LAMB1: variants seen among roughly 807,000 people sequenced by gnomAD.
LAMB1 encodes the protein laminin subunit beta-1.
Under a neutral mutation model 222.3 loss-of-function variants are expected in LAMB1, and 121 were observed. The observed-to-expected ratio is 0.54, with a 90% CI of 0.47 to 0.63. The LOEUF (loss-of-function observed/expected upper bound fraction) is 0.63. Among genes scored for constraint, LAMB1 ranks in the 30% least tolerant of loss-of-function variants. The pLI, the probability that LAMB1 is intolerant of heterozygous loss-of-function variation, is 0.00. For synonymous variants in LAMB1, 794 were observed against 807.2 expected (o/e 0.98, Z 0.28); for missense variants, 2,172 against 2,240.8 (o/e 0.97, Z 0.62).
intron 28 of LAMB1, 62 bp downstream of exon 28, chr7:107,932,112 C>G (rs997993933): frequency 7.1e-7 from 1 of 1,407,188 alleles, no homozygotes; most frequent in Non-Finnish European, 1.0e-6. Flanking sequence ...CCTTTCAGAT[C>G]CTTTAGTCCA....
At chr7:107,951,033 C>G in intron 24 of LAMB1, 193 bp downstream of exon 24, 1 of 533,580 alleles carries the variant, frequency 1.9e-6, no homozygotes, top group Non-Finnish European at 3.4e-6. Context: ...TCTTGACTAC[C>G]TATACTTATG....
chr7:107,951,943 G>T, intron 23 of LAMB1, 66 bp downstream of exon 23: 1 of 1,390,654 alleles, frequency 7.2e-7, no homozygotes, highest in Non-Finnish European at 9.9e-7. Flanking sequence ...GCTCTAACTG[G>T]GGCAAAGTCA....
At chr7:107,947,225 A>G (rs1369339591) in intron 24 of LAMB1, among the ~76,000 whole-genome samples, 1 of 152,156 alleles carries the variant, frequency 6.6e-6, no homozygotes, top group African/African-American at 2.4e-5. Flanking sequence ...GGCTCAACTC[A>G]TTTGTCTTTT....
At chr7:107,953,850 C>T (rs372866134) in intron 21 of LAMB1, 96 bp from the exon 22 acceptor site, 4 of 1,045,166 alleles carry the variant, frequency 3.8e-6, no homozygotes, top group South Asian at 1.4e-5. Flanking sequence ...CTGATCGTGG[C>T]GGTGCTTCAT....
At chr7:107,971,742 G>A (rs1442096673) in intron 13 of LAMB1, among the ~76,000 whole-genome samples, 4 of 152,172 alleles carry the variant, frequency 2.6e-5, no homozygotes, top group Admixed American at 2.6e-4. Flanking sequence ...TTAGAGGGCA[G>A]GCTAGGGCCT....
chr7:107,963,534 T>C (rs1488559280), intron 14 of LAMB1, among the ~76,000 whole-genome samples: 1 of 152,218 alleles, frequency 6.6e-6, no homozygotes, highest in Admixed American at 6.5e-5. Context: ...GATGAGTTAA[T>C]TCTGATTAAT....
At chr7:107,952,444 G>A (rs2033278206) in intron 22 of LAMB1, among the ~76,000 whole-genome samples, 1 of 152,184 alleles carries the variant, frequency 6.6e-6, no homozygotes. Flanking sequence ...TACACACAAT[G>A]ACACATTTCA....
intron 28 of LAMB1, 57 bp downstream of exon 28, chr7:107,932,117 A>G (rs2032724535): frequency 4.9e-6 from 7 of 1,438,926 alleles, no homozygotes; most frequent in Admixed American, 1.7e-5. Context: ...CAGATCCTTT[A>G]GTCCACAGCT....
chr7:107,961,358 A>G, intron 16 of LAMB1, 29 bp from the exon 17 acceptor site: 1 of 1,610,562 alleles, frequency 6.2e-7, no homozygotes, highest in Non-Finnish European at 8.5e-7. Context: ...GAAAGACAAC[A>G]ACGAAAGTCA....
At chr7:107,925,898 T>TAAAAAA (rs34631145) in intron 32 of LAMB1, among the ~76,000 whole-genome samples, 57 of 142,942 alleles carry the variant, frequency 4.0e-4, no homozygotes, top group African/African-American at 1.4e-3. Context: ...ATAGTTGGTT[T>TAAAAAA]AAAAAAAAAA....
At chr7:107,947,922 G>C (rs2033152467) in intron 24 of LAMB1, among the ~76,000 whole-genome samples, 1 of 151,368 alleles carries the variant, frequency 6.6e-6, no homozygotes, top group South Asian at 2.1e-4. Flanking sequence ...GCACAAAGGA[G>C]AGACAGTATC....
rs561236095 is a variant in LAMB1, at chr7:107,926,450, G to C, written c.4888-91C>G. ...TTGGAGGAAGATTTAAAAGTCTGCT[G>C]TGCCATTTTGCTCTAGACCAAAAGA... On this transcript the variant is annotated intron_variant, in intron 31 of 33. Transcript: ENST00000222399. 8 of 1,081,278 alleles carry C rather than the reference G, an allele frequency of 7.4e-6. No homozygotes were observed. The Admixed American group carries it at 1.5e-4, about 20-fold the overall frequency. 67.0% of individuals were successfully genotyped at this position (1,081,278 alleles called of 1,614,324 possible). A position where few individuals can be genotyped will look rare whatever the true frequency, so the allele number is the denominator to read the frequency against.
chr7:107,979,720 TAGAA>T (rs963799691), intron 8 of LAMB1, among the ~76,000 whole-genome samples: 2 of 152,144 alleles, frequency 1.3e-5, no homozygotes, highest in Admixed American at 6.5e-5. Flanking sequence ...GAGGAAAAGA[TAGAA>T]AGAAACCAAC....
intron 7 of LAMB1, among the ~76,000 whole-genome samples, chr7:107,983,083 A>G (rs1454310820): frequency 6.6e-6 from 1 of 152,186 alleles, no homozygotes; most frequent in Non-Finnish European, 1.5e-5. Flanking sequence ...CTCATGGCTC[A>G]CTCAGAAATT....
chr7:107,932,289 C>G lies in LAMB1; in HGVS notation c.4277G>C (p.Gly1426Ala), dbSNP rs200107269. 1.1e-4 allele frequency: 178 copies of G among 1,614,096 alleles called. 1 individual carries two copies. The Middle Eastern group carries it at 1.6e-3, about 15-fold the overall frequency. Residue 1426 changes from glycine to alanine, a missense_variant, in exon 28 of 34, where the codon GGG (glycine) becomes GCG (alanine). By Grantham distance (60) the Gly-to-Ala change is moderately conservative. Coordinates refer to ENST00000222399, the MANE Select transcript of LAMB1 (RefSeq NM_002291.3). ...AACCAGACCACCACAGCCAGGCCCC[C>G]CACACTTCCTCTCTCCTTCGTCAGT... ...CRTDEGERKCGGPGCGGLVTV... is the reference protein window; with the variant it reads ...CRTDEGERKCAGPGCGGLVTV...
chr7:107,986,449 T>C, intron 5 of LAMB1, 86 bp from the exon 6 acceptor site: 1 of 1,112,068 alleles, frequency 9.0e-7, no homozygotes, highest in African/African-American at 1.6e-5. Context: ...GTCACTCAAC[T>C]GCATGCCACA....
At chr7:107,959,639 A>G (rs780441449) in intron 19 of LAMB1, 52 bp downstream of exon 19, 2 of 1,614,160 alleles carry the variant, frequency 1.2e-6, no homozygotes, top group Non-Finnish European at 1.7e-6. Context: ...ACCCTGCCAC[A>G]ATGGCTGAGT....
rs1446496122 is a variant in LAMB1, at chr7:107,959,693, T to C, written c.2456A>G (p.Lys819Arg). 7 of 1,614,100 alleles carry C rather than the reference T, an allele frequency of 4.3e-6. No homozygotes were observed. In the African/African-American group the frequency reaches 6.7e-5, roughly 15 times the overall value. Residue 819 changes from lysine to arginine, a missense_variant and splice_region_variant, in exon 19 of 34, where the codon AAA becomes AGA. Transcript: ENST00000222399. ...GTFGFGPSGC[K>R]PCECHLQGSV... ...AACAATGCTTTTGAGGAACCTACGT[T>C]TGCATCCACTGGGGCCAAAGCCAAA...
chr7:107,941,149 G>A (rs1035382889), intron 24 of LAMB1, among the ~76,000 whole-genome samples: 1 of 152,152 alleles, frequency 6.6e-6, no homozygotes, highest in Admixed American at 6.5e-5. Flanking sequence ...AAAGCCAAAT[G>A]GCACAGGAAA....
Sources: gnomAD v4.1 joint callset for allele counts (sites outside exome capture counted in the v4.1 genomes callset) on GRCh38, gnomAD v4.1.1 for gene constraint, MANE v1.5 for transcripts, NCBI Gene and HGNC (gene_info 2026-07-23, HGNC 2026-07-21) for gene names.